Variants in POU5F1 observed in about 807,000 individuals in gnomAD.
POU5F1 encodes the protein POU class 5 homeobox 1.
Under a neutral mutation model 38.3 loss-of-function variants are expected in POU5F1, and 6 were observed. The observed-to-expected ratio is 0.16, with a 90% CI of 0.09 to 0.31. The LOEUF is 0.31. Among genes scored for constraint, POU5F1 ranks in the 10% least tolerant of loss-of-function variants. The pLI is 1.00. For missense variants in POU5F1, 286 were observed against 462.6 expected (o/e 0.62, Z 3.50); for synonymous variants, 147 against 194.9 (o/e 0.75, Z 2.05).
intron 1 of POU5F1, 98 bp from the exon 2 acceptor site, chr6:31,166,145 A>G (rs751818073): frequency 1.4e-5 from 22 of 1,613,074 alleles, no homozygotes; most frequent in Non-Finnish European, 1.9e-5. Context: ...TGTGGCCCCA[A>G]GGAATAGTCT....
intron 1 of POU5F1, among the ~76,000 whole-genome samples, chr6:31,167,957 C>CT (rs138614825): frequency 4.0e-5 from 6 of 151,038 alleles, no homozygotes; most frequent in Non-Finnish European, 7.4e-5. Flanking sequence ...TTTTTCTCCC[C>CT]ACCAAGACGG....
At position 31,165,107 on chromosome 6, in the gene POU5F1, G is replaced by A. The variant is rs538008081; in HGVS notation, c.816+21C>T. Reference sequence around the variant, plus strand: ...GTGACAGGGGAAAGAGATGGAGCCCGCAGAGAGACATGGCACTCACATCCT... The same window carrying A: ...GTGACAGGGGAAAGAGATGGAGCCCACAGAGAGACATGGCACTCACATCCT... On this transcript the variant is annotated intron_variant, in intron 4 of 4. Transcript: ENST00000259915. This position sits in a 1 kb window ranked among gnomAD's most constrained non-coding sequence, Gnocchi z 6.5. 3.7e-5 allele frequency: 60 copies of A among 1,602,640 alleles called. 1 individual carries two copies. The South Asian group carries it at 5.8e-4, about 16-fold the overall frequency.
intron 1 of POU5F1, among the ~76,000 whole-genome samples, chr6:31,167,840 G>A (rs1638825249): frequency 6.6e-6 from 1 of 152,224 alleles, no homozygotes; most frequent in African/African-American, 2.4e-5. Flanking sequence ...AATGTGGCAA[G>A]GCCCTGAAGT....
At chr6:31,166,550 T>C in intron 1 of POU5F1, 1 of 981,948 alleles carries the variant, frequency 1.0e-6, no homozygotes. Flanking sequence ...TCCCAGCTAC[T>C]CAGGAGGCTG....
At position 31,165,547 on chromosome 6, in the gene POU5F1, C is replaced by T. The variant is rs368277084; in HGVS notation, c.657+24G>A. 1.6e-4 allele frequency: 255 copies of T among 1,612,870 alleles called. No homozygotes were observed. In the African/African-American group the frequency reaches 2.5e-3, roughly 16 times the overall value. On this transcript the variant is annotated intron_variant, in intron 3 of 4. Coordinates refer to ENST00000259915, the MANE Select transcript of POU5F1 (RefSeq NM_002701.6). This position sits in a 1 kb window ranked among gnomAD's most constrained non-coding sequence, Gnocchi z 6.5. The stretch of plus-strand genomic sequence containing the variant: ...ATTAGGCCAAGAAAGGGAAGGTCCC[C>T]GGGTATCCCCCTCCCACCCTTACCT...
rs1777082620 is a variant in POU5F1, at chr6:31,164,825, G to A, written c.859C>T (p.Arg287Ter). 1 of 1,612,432 alleles carries A rather than the reference G, an allele frequency of 6.2e-7. No individual in the cohort carries two copies. The highest frequency in any genetic ancestry group is 1.7e-5 in the Admixed American group (1 of 59,820). ...WFCNRRQKGK[R>*]SSSDYAQRED... is the part of the protein sequence containing the mutation. ...CGTTGTGCATAGTCGCTGCTTGATC[G>A]CTTGCCCTTCTGGCGCCGGTTACAG... The change falls in exon 5 of 5, where the codon CGA becomes TGA. Residue 287 changes from arginine (R) to a stop codon, truncating the protein, a stop_gained. Coordinates refer to ENST00000259915, the MANE Select transcript of POU5F1 (RefSeq NM_002701.6). LOFTEE classifies it high-confidence loss of function.
rs528231599 is a variant in POU5F1, at chr6:31,170,399, C to T, written c.222G>A (p.Ala74=). The T allele has an allele frequency of 5.9e-5, 95 of 1,612,654 alleles. No individual in the cohort carries two copies. Among genetic ancestry groups the T allele is most frequent in the East Asian group, 2.9e-4 (13 of 44,878 alleles). ...PPPYEFCGGM[A]YCGPQVGVGL... is the part of the protein sequence containing the mutation. ...CCACTCCAACCTGGGGCCCACAGTA[C>T]GCCATCCCCCCACAGAACTCATACG... Residue 74 remains alanine, a synonymous_variant, in exon 1 of 5, where the codon GCG becomes GCA. Transcript: ENST00000259915.
intron 1 of POU5F1, 91 bp downstream of exon 1, chr6:31,170,118 GGGTGCCA>G: frequency 6.3e-7 from 1 of 1,593,974 alleles, no homozygotes. Context: ...CTCCTCTCCT[GGGTGCCA>G]GGTCTGGGCA....
chr6:31,166,913 T>A (rs1777308361), intron 1 of POU5F1: 1 of 1,296,492 alleles, frequency 7.7e-7, no homozygotes, highest in Non-Finnish European at 1.0e-6. Context: ...ACAGGTGTCA[T>A]AAGAATGGAT....
chr6:31,168,058 G>T (rs974762395), intron 1 of POU5F1, among the ~76,000 whole-genome samples: 1 of 151,934 alleles, frequency 6.6e-6, no homozygotes, highest in African/African-American at 2.4e-5. Flanking sequence ...TTCTGCCTCA[G>T]CCGCCTGAGT....
chr6:31,164,722 C>T lies in POU5F1; in HGVS notation c.962G>A (p.Gly321Asp). 1 of 1,601,592 alleles carries T rather than the reference C, an allele frequency of 6.2e-7. No homozygotes were observed. Among genetic ancestry groups the T allele is most frequent in the Non-Finnish European group, 8.5e-7 (1 of 1,174,256 alleles). Reference protein sequence around the residue: ...SFPLAPGPHFGTPGYGSPHFT... With the variant: ...SFPLAPGPHFDTPGYGSPHFT... Reference sequence around the variant, plus strand: ...GTGAGGGCTCCCATAGCCTGGGGTACCAAAATGGGGCCCTGGGGCCAGAGG... The same window carrying T: ...GTGAGGGCTCCCATAGCCTGGGGTATCAAAATGGGGCCCTGGGGCCAGAGG... The change falls in exon 5 of 5, where the codon GGT becomes GAT. Residue 321 changes from glycine (G) to aspartate (D), a missense_variant. By Grantham distance (94) the Gly-to-Asp change is moderately conservative (BLOSUM62 -1). Coordinates refer to ENST00000259915, the MANE Select transcript of POU5F1 (RefSeq NM_002701.6).
In POU5F1 at chr6:31,164,338, A is replaced by G. The variant is rs974089105; in HGVS notation, c.*263T>C. 30 of 1,197,896 alleles carry G rather than the reference A, an allele frequency of 2.5e-5. No homozygotes were observed. The highest frequency in any genetic ancestry group is 3.2e-5 in the Non-Finnish European group (28 of 880,454). 74.2% of individuals were successfully genotyped at this position (1,197,896 alleles called of 1,614,324 possible). ...CAGTAACTGAAGGACAAACCAAGAT[A>G]AGTGTGTCTATCTACTGTGTCCCAG... On this transcript the variant is annotated 3_prime_UTR_variant, in exon 5 of 5. Transcript: ENST00000259915.
intron 1 of POU5F1, chr6:31,169,982 T>C (rs3132522): frequency 0.76 from 491,064 of 650,386 alleles, 186,661 homozygotes; most frequent in African/African-American, 0.85. Flanking sequence ...TCTCCCAGGC[T>C]GCTCTGCCCT....
chr6:31,168,079 A>T (rs762558409), intron 1 of POU5F1, among the ~76,000 whole-genome samples: 4 of 152,184 alleles, frequency 2.6e-5, no homozygotes, highest in Non-Finnish European at 5.9e-5. Context: ...AGCTGGGACT[A>T]CAGGCACCCA....
intron 1 of POU5F1, 72 bp from the exon 2 acceptor site, chr6:31,166,119 G>T: frequency 6.2e-7 from 1 of 1,614,126 alleles, no homozygotes; most frequent in Non-Finnish European, 8.5e-7. Context: ...TTCCATTCGG[G>T]ATTCAAGAAC....
At chr6:31,167,798 A>G (rs1024377080) in intron 1 of POU5F1, among the ~76,000 whole-genome samples, 2 of 152,048 alleles carry the variant, frequency 1.3e-5, no homozygotes, top group African/African-American at 4.8e-5. Flanking sequence ...AAAGACAGAG[A>G]AGGTGATTGT....
chr6:31,165,613 C>G lies in POU5F1; in HGVS notation c.615G>C (p.Gln205His). ...TGTTGTCAGCTTCCTCCACCCACTT[C>G]TGCAGCAAGGGCCGCAGCTTACACA... Reference protein sequence around the residue: ...KNMCKLRPLLQKWVEEADNNE... With the variant: ...KNMCKLRPLLHKWVEEADNNE... The change falls in exon 3 of 5, where the codon CAG (glutamine) becomes CAC (histidine). Residue 205 changes from glutamine to histidine, a missense_variant. Gln to His is a conservative substitution (Grantham distance 24). This residue lies in a region of POU5F1 where 110 missense variants were observed against 277.8 expected (regional missense o/e 0.40). Transcript: ENST00000259915. This position sits in a 1 kb window ranked among gnomAD's most constrained non-coding sequence, Gnocchi z 6.5. The G allele has an allele frequency of 6.2e-7, 1 of 1,614,230 alleles. No homozygotes were observed. Among genetic ancestry groups the G allele is most frequent in the Non-Finnish European group, 8.5e-7 (1 of 1,180,048 alleles).
Position 31,165,864 on chromosome 6 carries a change from C to A in POU5F1, c.526+63G>T. 1.9e-6 allele frequency: 3 copies of A among 1,605,994 alleles called. No homozygotes were observed. Among genetic ancestry groups the A allele is most frequent in the South Asian group, 1.1e-5 (1 of 90,352 alleles). ...AGGGTAGTCTGCCCCTGCCCCTCCC[C>A]ACTAGGTTCAGGGATACTCCTTAGA... On this transcript the variant is annotated intron_variant, in intron 2 of 4. Transcript: ENST00000259915. This position sits in a 1 kb window ranked among gnomAD's most constrained non-coding sequence, Gnocchi z 6.5.
At chr6:31,166,867 C>T in intron 1 of POU5F1, 1 of 1,278,340 alleles carries the variant, frequency 7.8e-7, no homozygotes, top group Non-Finnish European at 1.0e-6. Context: ...CAAACTATAA[C>T]ATGGCATGCA....
Sources: allele counts gnomAD v4.1 joint callset (sites outside exome capture counted in the v4.1 genomes callset), GRCh38; gene constraint gnomAD v4.1.1; regional missense constraint gnomAD v4.1.1; non-coding constraint Gnocchi (gnomAD v3.1); transcripts MANE v1.5; gene names NCBI Gene and HGNC (gene_info 2026-07-23, HGNC 2026-07-21).